Variants in PCDHGA7 observed in about 807,000 individuals in gnomAD.
PCDHGA7 encodes protocadherin gamma subfamily A, 7.
PCDHGA7 carries 44 observed loss-of-function variants against 58.3 expected under a neutral mutation model. That is an observed-to-expected ratio of 0.75 (90% CI 0.59 to 0.97). PCDHGA7 has a LOEUF of 0.97. Ranked by LOEUF, PCDHGA7 falls within the 50% of genes least tolerant of loss-of-function variation. PCDHGA7 has a pLI of 0.00. For missense variants in PCDHGA7, 1,266 were observed against 1,188.7 expected, an observed-to-expected ratio of 1.06 and a Z score of -0.96; for synonymous variants, 516 against 504.2, an observed-to-expected ratio of 1.02 and a Z score of -0.31.
chr5:141,503,598 CAAA>C (rs765754054), intron 2 of PCDHGA7, among the ~76,000 whole-genome samples: 9 of 65,742 alleles, frequency 1.4e-4, no homozygotes, highest in Admixed American at 3.4e-4. Context: ...GACTCCAGCT[CAAA>C]AAAAAAAAAA....
chr5:141,433,802 A>G (rs2097651656), intron 1 of PCDHGA7, among the ~76,000 whole-genome samples: 1 of 149,280 alleles, frequency 6.7e-6, no homozygotes, highest in Non-Finnish European at 1.5e-5. Flanking sequence ...GTGCCATTGC[A>G]CTCCAGCCTG....
At chr5:141,422,375 T>G (rs2096644332) in intron 1 of PCDHGA7, 3 of 1,570,696 alleles carry the variant, frequency 1.9e-6, no homozygotes, top group Admixed American at 1.9e-5. Flanking sequence ...AATGGTCAAG[T>G]CTCCTGTTTT....
In PCDHGA7 at chr5:141,486,270, G is replaced by A. The variant is rs1052584402; in HGVS notation, c.2425-8537G>A. 2 of 1,614,062 alleles carry A rather than the reference G, an allele frequency of 1.2e-6. No homozygotes were observed. Reference sequence around the variant, plus strand: ...ACCCTCCCCGAGAGTGCAGAACCTGGCACTGTGGTGGCACTTATCAGTGTG... The same window carrying A: ...ACCCTCCCCGAGAGTGCAGAACCTGACACTGTGGTGGCACTTATCAGTGTG... On this transcript the variant is annotated intron_variant, in intron 1 of 3. Coordinates refer to ENST00000518325, the MANE Select transcript of PCDHGA7 (RefSeq NM_018920.4). This position sits in a 1 kb window ranked among gnomAD's most constrained non-coding sequence, Gnocchi z 5.0.
At position 141,491,651 on chromosome 5, in the gene PCDHGA7, A is replaced by G. The variant is rs1379494110; in HGVS notation, c.2425-3156A>G. 1.9e-6 allele frequency: 3 copies of G among 1,613,796 alleles called. 1 individual carries two copies. ...CAGCAGCCCACAGCTCTGGCGCTGGAGCCTGACGCCATCCGGTCCCGCTCT... is the reference window on the plus strand; with the variant it reads ...CAGCAGCCCACAGCTCTGGCGCTGGGGCCTGACGCCATCCGGTCCCGCTCT... On this transcript the variant is annotated intron_variant, in intron 1 of 3. Coordinates refer to ENST00000518325, the MANE Select transcript of PCDHGA7 (RefSeq NM_018920.4). The surrounding 1 kb of genome is among the most constrained non-coding windows in gnomAD (Gnocchi z 6.9).
rs1486545769 is a variant in PCDHGA7 at position 141,431,780 on chromosome 5, A to T, written c.2424+46457A>T. On this transcript the variant is annotated intron_variant, in intron 1 of 3. Coordinates refer to ENST00000518325, the MANE Select transcript of PCDHGA7 (RefSeq NM_018920.4). This position sits in a 1 kb window ranked among gnomAD's most constrained non-coding sequence, Gnocchi z 4.8. The stretch of plus-strand genomic sequence containing the variant: ...AGTCCTGATCACTGTTCTGGACGTG[A>T]ACGACAATGCCCCAGAAGTGGTCCT... 4 of 1,614,086 alleles carry T rather than the reference A, an allele frequency of 2.5e-6. No homozygotes were observed. The highest frequency in any genetic ancestry group is 3.4e-6 in the Non-Finnish European group (4 of 1,180,028).
rs186593502 is a variant in PCDHGA7 at position 141,429,415 on chromosome 5, A to G, written c.2424+44092A>G. Among the ~76,000 whole-genome samples, 582 of 151,976 alleles carry G rather than the reference A, an allele frequency of 3.8e-3. 6 individuals carry two copies. The highest frequency in any genetic ancestry group is 0.011 in the Admixed American group (171 of 15,260). ...AAAAAATTGAGATTAAGGTCTCATT[A>G]TGTTGCCCAGGCTGGACTCAAACTC... is the stretch of plus-strand genomic sequence containing the variant. On this transcript the variant is annotated intron_variant, in intron 1 of 3. Transcript: ENST00000518325.
At chr5:141,408,885 T>C (rs1263835706) in intron 1 of PCDHGA7, 3 of 1,612,902 alleles carry the variant, frequency 1.9e-6, no homozygotes, top group East Asian at 2.2e-5. Flanking sequence ...ACCGCTCACA[T>C]AGAAATTTCT....
At position 141,400,271 on chromosome 5, in the gene PCDHGA7, C is replaced by A. The variant is rs2093993934; in HGVS notation, c.2424+14948C>A. The A allele has an allele frequency of 4.3e-6, 7 of 1,614,094 alleles. No individual in the cohort carries two copies. In the African/African-American group the frequency reaches 9.3e-5, roughly 21 times the overall value. The stretch of plus-strand genomic sequence containing the variant: ...GTTGCCTTGCGCCTGCGACGCTCCT[C>A]CAGCCCTGCCGCCTGGAGCTGCTTC... On this transcript the variant is annotated intron_variant, in intron 1 of 3. Transcript: ENST00000518325.
chr5:141,391,847 A>T (rs1478301262), intron 1 of PCDHGA7: 1 of 152,232 alleles, frequency 6.6e-6, no homozygotes, highest in Non-Finnish European at 1.5e-5. Context: ...TGTAAAAGTC[A>T]AGTCTGCTTT....
At chr5:141,478,963 A>G (rs193236728) in intron 1 of PCDHGA7, among the ~76,000 whole-genome samples, 5 of 152,322 alleles carry the variant, frequency 3.3e-5, no homozygotes, top group East Asian at 1.9e-4. Context: ...TCATTCCTCC[A>G]CCTTTCAAGT....
intron 1 of PCDHGA7, chr5:141,433,086 C>A (rs747501244): frequency 1.9e-6 from 3 of 1,614,208 alleles, no homozygotes; most frequent in African/African-American, 2.7e-5. Context: ...CCCAACTATG[C>A]AGACATGCTC....
At chr5:141,395,072 T>C in intron 1 of PCDHGA7, 1 of 1,614,148 alleles carries the variant, frequency 6.2e-7, no homozygotes, top group Non-Finnish European at 8.5e-7. Context: ...TGCAGACCTA[T>C]TCCCAGGAAG....
intron 1 of PCDHGA7, chr5:141,388,961 G>C: frequency 6.2e-7 from 1 of 1,614,042 alleles, no homozygotes; most frequent in Non-Finnish European, 8.5e-7. Flanking sequence ...AGGACGCCGA[G>C]CTGGGAACAC....
At chr5:141,501,871 C>T (rs562714939) in intron 2 of PCDHGA7, among the ~76,000 whole-genome samples, 3 of 152,244 alleles carry the variant, frequency 2.0e-5, no homozygotes, top group African/African-American at 7.2e-5. Context: ...CAGGACGCCT[C>T]CTTACACTCC....
chr5:141,496,276 G>C (rs1189269883), intron 2 of PCDHGA7, among the ~76,000 whole-genome samples: 1 of 152,204 alleles, frequency 6.6e-6, no homozygotes, highest in Admixed American at 6.5e-5. Flanking sequence ...AAGACCTTCA[G>C]TTGGTCTGAG....
intron 1 of PCDHGA7, among the ~76,000 whole-genome samples, chr5:141,447,165 G>T (rs1192617600): frequency 6.6e-6 from 1 of 151,842 alleles, no homozygotes; most frequent in African/African-American, 2.4e-5. Flanking sequence ...TTTAAGCGGG[G>T]TCTTGCTCTT....
intron 1 of PCDHGA7, chr5:141,389,448 C>T (rs895638491): frequency 1.2e-6 from 2 of 1,610,424 alleles, no homozygotes; most frequent in Non-Finnish European, 1.7e-6. Context: ...CGACCACGAG[C>T]AGCTGCGCGC....
chr5:141,500,520 T>A (rs2099801106), intron 2 of PCDHGA7, among the ~76,000 whole-genome samples: 1 of 152,194 alleles, frequency 6.6e-6, no homozygotes, highest in South Asian at 2.1e-4. Context: ...AGCTTCATTT[T>A]AAAAAAATCT....
chr5:141,401,516 T>G (rs375937507), intron 1 of PCDHGA7, among the ~76,000 whole-genome samples: 3 of 152,320 alleles, frequency 2.0e-5, no homozygotes, highest in South Asian at 2.1e-4. Context: ...CTCTATATAA[T>G]TACCAGAAGA....
Sources: gnomAD v4.1 joint callset for allele counts (sites outside exome capture counted in the v4.1 genomes callset) on GRCh38, gnomAD v4.1.1 for gene constraint, Gnocchi (gnomAD v3.1) non-coding constraint, MANE v1.5 for transcripts, NCBI Gene and HGNC (gene_info 2026-07-23, HGNC 2026-07-21) for gene names.